The following ARMH4 variants were observed in gnomAD, a reference collection of about 807,000 sequenced individuals.
ARMH4 encodes armadillo-like helical domain-containing protein 4.
Under a neutral mutation model 61.9 loss-of-function variants are expected in ARMH4, and 49 were observed. The observed-to-expected ratio is 0.79, with a 90% confidence interval of 0.63 to 1.00. The LOEUF is 1.00. Among genes scored for constraint, ARMH4 ranks in the 50% least tolerant of loss-of-function variants. The pLI is 0.00. For synonymous variants in ARMH4, 368 were observed against 341.5 expected (o/e 1.08, Z -0.85); for missense variants, 934 against 930.0 (o/e 1.00, Z -0.06).
intron 5 of ARMH4, among the ~76,000 whole-genome samples, chr14:58,020,927 C>T (rs573242231): frequency 6.6e-6 from 1 of 152,160 alleles, no homozygotes; most frequent in Non-Finnish European, 1.5e-5. Context: ...CAGCCTGAGT[C>T]CAAAGGCCTG....
intron 4 of ARMH4, among the ~76,000 whole-genome samples, chr14:58,112,000 C>T (rs1886368569): frequency 1.3e-5 from 2 of 152,246 alleles, no homozygotes; most frequent in Admixed American, 6.5e-5. Context: ...AGCCCTCTTT[C>T]TCTTTTTATA....
At chr14:58,008,851 T>C (rs370847984) in intron 6 of ARMH4, among the ~76,000 whole-genome samples, 19 of 152,348 alleles carry the variant, frequency 1.2e-4, no homozygotes, top group East Asian at 9.6e-4. Context: ...ATTTTCTGGA[T>C]GGTTTCCTAA....
At chr14:58,059,035 T>G (rs1433193705) in intron 5 of ARMH4, among the ~76,000 whole-genome samples, 1 of 152,184 alleles carries the variant, frequency 6.6e-6, no homozygotes, top group Non-Finnish European at 1.5e-5. Context: ...TCCTTAAGGA[T>G]TCATGAAGGA....
chr14:58,150,149 A>T (rs1387700867), intron 1 of ARMH4, among the ~76,000 whole-genome samples: 1 of 152,208 alleles, frequency 6.6e-6, no homozygotes, highest in Non-Finnish European at 1.5e-5. Context: ...GTGGTACACA[A>T]ATGTAGCCAT....
At position 58,029,654 on chromosome 14, in the gene ARMH4, T is replaced by C. The variant is rs185993071; in HGVS notation, c.2090-17504A>G. On this transcript the variant is annotated intron_variant, in intron 5 of 7. Coordinates refer to ENST00000267485, the MANE Select transcript of ARMH4 (RefSeq NM_001001872.4). ...AATGCAAATCAAAACCACAGTGAGG[T>C]AGTACTTCATATCCACTAGGAAGGC... is the stretch of plus-strand genomic sequence containing the variant. Among the ~76,000 whole-genome samples the C allele has an allele frequency of 2.0e-3, 311 of 152,120 alleles. 1 individual carries two copies. Among genetic ancestry groups the C allele is most frequent in the African/African-American group, 7.1e-3 (295 of 41,482 alleles).
intron 4 of ARMH4, among the ~76,000 whole-genome samples, chr14:58,107,713 G>C (rs1886210061): frequency 6.9e-6 from 1 of 145,162 alleles, no homozygotes; most frequent in Admixed American, 7.1e-5. Flanking sequence ...GCAGTGAGCT[G>C]AGATTACGCC....
At chr14:58,028,011 T>G (rs1410158691) in intron 5 of ARMH4, among the ~76,000 whole-genome samples, 1 of 152,152 alleles carries the variant, frequency 6.6e-6, no homozygotes, top group Non-Finnish European at 1.5e-5. Context: ...CCAGACTCTC[T>G]TTCCCCTTTT....
chr14:58,058,941 T>C (rs942580093), intron 5 of ARMH4, among the ~76,000 whole-genome samples: 9 of 152,152 alleles, frequency 5.9e-5, no homozygotes, highest in Admixed American at 1.3e-4. Context: ...CATAAAGCAG[T>C]ACAACTAAAG....
Position 58,133,349 on chromosome 14 carries a change from G to C in ARMH4, c.1370-8C>G. ...TCTCTTGAGTGATGATGTCTTAAAG[G>C]GGGGAAAACATTTAAAAATAGACCA... On this transcript the variant is annotated splice_region_variant and splice_polypyrimidine_tract_variant and intron_variant, in intron 2 of 7. Coordinates refer to ENST00000267485, the MANE Select transcript of ARMH4 (RefSeq NM_001001872.4). The C allele has an allele frequency of 6.2e-7, 1 of 1,600,496 alleles. No homozygotes were observed. Among genetic ancestry groups the C allele is most frequent in the Non-Finnish European group, 8.5e-7 (1 of 1,174,428 alleles).
chr14:58,097,646 G>T (rs1885798841), intron 4 of ARMH4, among the ~76,000 whole-genome samples: 1 of 151,696 alleles, frequency 6.6e-6, no homozygotes, highest in Non-Finnish European at 1.5e-5. Flanking sequence ...TATCTTCATT[G>T]TAAGAGTTAA....
At chr14:58,111,659 A>G (rs1886355715) in intron 4 of ARMH4, among the ~76,000 whole-genome samples, 1 of 150,956 alleles carries the variant, frequency 6.6e-6, no homozygotes, top group Admixed American at 6.6e-5. Flanking sequence ...CAGAGACTCT[A>G]GTGTCTCTTG....
intron 5 of ARMH4, among the ~76,000 whole-genome samples, chr14:58,079,837 G>T (rs986228038): frequency 2.6e-5 from 4 of 152,086 alleles, no homozygotes; most frequent in African/African-American, 9.7e-5. Context: ...TTACCTGAGG[G>T]GAGCTGGGGG....
intron 5 of ARMH4, among the ~76,000 whole-genome samples, chr14:58,044,939 G>C (rs997459086): frequency 6.6e-6 from 1 of 152,132 alleles, no homozygotes; most frequent in Non-Finnish European, 1.5e-5. Context: ...TTAGAATGGT[G>C]ATCATTAAAA....
intron 1 of ARMH4, among the ~76,000 whole-genome samples, chr14:58,142,302 C>T (rs963173877): frequency 1.3e-5 from 2 of 152,104 alleles, no homozygotes; most frequent in Admixed American, 1.3e-4. Context: ...AGGCCTTCTT[C>T]CCTTAAGGAG....
chr14:58,070,094 G>C (rs1884836560), intron 5 of ARMH4, among the ~76,000 whole-genome samples: 1 of 152,170 alleles, frequency 6.6e-6, no homozygotes, highest in Non-Finnish European at 1.5e-5. Flanking sequence ...ATGGGGCTTT[G>C]CTACTGAGTG....
At chr14:58,110,079 C>A (rs1886300752) in intron 4 of ARMH4, among the ~76,000 whole-genome samples, 1 of 152,302 alleles carries the variant, frequency 6.6e-6, no homozygotes, top group African/African-American at 2.4e-5. Flanking sequence ...CCCACCTCGA[C>A]ACATGGGGGA....
intron 4 of ARMH4, among the ~76,000 whole-genome samples, chr14:58,120,934 A>G (rs568478557): frequency 6.6e-6 from 1 of 152,280 alleles, no homozygotes; most frequent in East Asian, 1.9e-4. Context: ...TTGTCTCATA[A>G]TGTTATGCCA....
intron 5 of ARMH4, among the ~76,000 whole-genome samples, chr14:58,030,240 T>C (rs1883180452): frequency 6.6e-6 from 1 of 152,162 alleles, no homozygotes; most frequent in African/African-American, 2.4e-5. Flanking sequence ...CCTGCCTCAG[T>C]GCCCATGTGA....
intron 5 of ARMH4, among the ~76,000 whole-genome samples, chr14:58,021,133 A>G (rs1882811742): frequency 6.6e-6 from 1 of 152,192 alleles, no homozygotes; most frequent in African/African-American, 2.4e-5. Flanking sequence ...GATGAAGCCC[A>G]CCTACATTAG....
Sources: gnomAD v4.1 joint callset for allele counts (sites outside exome capture counted in the v4.1 genomes callset) on GRCh38, gnomAD v4.1.1 for gene constraint, MANE v1.5 for transcripts, NCBI Gene and HGNC (gene_info 2026-07-23, HGNC 2026-07-21) for gene names.